Variants in GPHN observed in about 807,000 individuals in gnomAD.
The protein encoded by GPHN is gephyrin.
A neutral mutation model predicts 95.5 loss-of-function variants in GPHN; 17 were observed. The ratio of observed to expected loss-of-function variants is 0.18; its 90% CI spans 0.12 to 0.27. GPHN has a LOEUF of 0.27. GPHN is among the 10% of genes least tolerant of loss of function. GPHN has a pLI of 1.00. For synonymous variants in GPHN, 320 were observed against 322.5 expected (o/e 0.99, Z 0.08); for missense variants, 660 against 978.1 (o/e 0.67, Z 4.34).
At chr14:66,622,543 A>G (rs1187276589) in intron 1 of GPHN, among the ~76,000 whole-genome samples, 2 of 152,162 alleles carry the variant, frequency 1.3e-5, no homozygotes, top group Non-Finnish European at 2.9e-5. Flanking sequence ...CAAGTTTTCC[A>G]AACTTTTATG....
chr14:66,709,441 T>C, intron 2 of GPHN: 1 of 455,784 alleles, frequency 2.2e-6, no homozygotes. Context: ...ATAGCTGATC[T>C]GATAACCCAG....
At chr14:67,259,880 GAAAA>G in the GPHN span, among the ~76,000 whole-genome samples, 3 of 111,970 alleles carry the variant, frequency 2.7e-5, no homozygotes, top group African/African-American at 2.9e-5. Context: ...CTCCATCTAA[GAAAA>G]AAAAAAAAAA....
At chr14:67,289,512 C>T in the GPHN span, among the ~76,000 whole-genome samples, 8 of 151,778 alleles carry the variant, frequency 5.3e-5, no homozygotes, top group South Asian at 2.1e-4. Context: ...CCACTGATAC[C>T]GAGGGATAAC....
chr14:66,848,670 AT>A lies in GPHN; in HGVS notation c.294+24105del, dbSNP rs561674910. Among the ~76,000 whole-genome samples the A allele has an allele frequency of 3.5e-3, 532 of 152,154 alleles. 4 individuals are homozygous for A. Among genetic ancestry groups the A allele is most frequent in the Non-Finnish European group, 5.4e-3 (370 of 67,918 alleles). On this transcript the variant is annotated intron_variant, in intron 4 of 22. Transcript: ENST00000478722. ...ATTCAGTCCATATTGTAATAGAAAA[AT>A]ATATGGTCATTTAGGAGAAGGAAAA...
At chr14:67,459,837 C>T in the GPHN span, among the ~76,000 whole-genome samples, 2 of 152,204 alleles carry the variant, frequency 1.3e-5, no homozygotes, top group Non-Finnish European at 2.9e-5. Context: ...GCTCAAGGGA[C>T]AGGTGATTTC....
At chr14:66,733,219 A>G (rs1056064228) in intron 2 of GPHN, among the ~76,000 whole-genome samples, 1 of 151,796 alleles carries the variant, frequency 6.6e-6, no homozygotes, top group African/African-American at 2.4e-5. Context: ...TTGTCGCCAC[A>G]TAAGACATGC....
the GPHN span, chr14:67,650,629 G>T: frequency 2.4e-6 from 3 of 1,275,648 alleles, no homozygotes. Context: ...TTTTACTTTG[G>T]CTTGTTCTCC....
the GPHN span, among the ~76,000 whole-genome samples, chr14:67,367,846 A>T: frequency 5.3e-3 from 809 of 152,200 alleles, 8 homozygotes; most frequent in African/African-American, 0.018. Flanking sequence ...AAAAAAAAAA[A>T]AGAGAGAGGT....
chr14:67,685,499 CT>C, the GPHN span, among the ~76,000 whole-genome samples: 1 of 152,134 alleles, frequency 6.6e-6, no homozygotes, highest in African/African-American at 2.4e-5. Flanking sequence ...CCACCCCCTT[CT>C]TTTTTAGAGA....
At chr14:67,715,855 G>A in the GPHN span, among the ~76,000 whole-genome samples, 1 of 152,144 alleles carries the variant, frequency 6.6e-6, no homozygotes. Flanking sequence ...TGTGCTGGGG[G>A]AACACAAATG....
intron 8 of GPHN, among the ~76,000 whole-genome samples, chr14:66,950,875 T>A (rs1328653103): frequency 1.3e-5 from 2 of 152,196 alleles, no homozygotes; most frequent in East Asian, 3.9e-4. Flanking sequence ...TGTACTTTTC[T>A]GTAAAAACAT....
the GPHN span, among the ~76,000 whole-genome samples, chr14:67,430,303 A>G: frequency 6.6e-6 from 1 of 152,198 alleles, no homozygotes; most frequent in Non-Finnish European, 1.5e-5. Flanking sequence ...ATTATAGGGA[A>G]TAACATACGG....
At chr14:66,554,716 A>G (rs1469897128) in intron 1 of GPHN, among the ~76,000 whole-genome samples, 1 of 152,186 alleles carries the variant, frequency 6.6e-6, no homozygotes, top group African/African-American at 2.4e-5. Context: ...TCAGCTGTCA[A>G]TTATATAGTC....
chr14:66,953,929 G>A (rs1210991930), intron 8 of GPHN, among the ~76,000 whole-genome samples: 1 of 152,088 alleles, frequency 6.6e-6, no homozygotes, highest in Non-Finnish European at 1.5e-5. Flanking sequence ...CAGCTACTTG[G>A]GAGGCTGAGA....
chr14:67,027,112 A>T (rs1347402496), intron 10 of GPHN, among the ~76,000 whole-genome samples: 1 of 152,170 alleles, frequency 6.6e-6, no homozygotes, highest in African/African-American at 2.4e-5. Flanking sequence ...TCAGTGCCAA[A>T]ATTGTTTTAT....
intron 17 of GPHN, among the ~76,000 whole-genome samples, chr14:67,134,848 TTC>T (rs1426918384): frequency 6.6e-6 from 1 of 151,530 alleles, no homozygotes; most frequent in South Asian, 2.1e-4. Context: ...CCTTCTTTCT[TTC>T]TCTTTCTCTT....
At chr14:67,615,911 TA>T in the GPHN span, 32 of 565,276 alleles carry the variant, frequency 5.7e-5, no homozygotes, top group Non-Finnish European at 8.5e-5. Context: ...CAAGCAGCCT[TA>T]AAAAGAAGTC....
the GPHN span, chr14:67,600,393 G>A: frequency 5.5e-6 from 3 of 545,084 alleles, no homozygotes; most frequent in South Asian, 7.3e-5. Context: ...GGCCGGCCTT[G>A]ACTGTCTTCG....
intron 2 of GPHN, among the ~76,000 whole-genome samples, chr14:66,684,595 A>G (rs1438041469): frequency 1.3e-5 from 2 of 152,136 alleles, no homozygotes; most frequent in South Asian, 2.1e-4. Context: ...ATACTCCAGT[A>G]TTTTACTGCC....
Sources: allele counts gnomAD v4.1 joint callset (sites outside exome capture counted in the v4.1 genomes callset), GRCh38; gene constraint gnomAD v4.1.1; transcripts MANE v1.5; gene names NCBI Gene and HGNC (gene_info 2026-07-23, HGNC 2026-07-21).